ADISSP: variants seen among roughly 807,000 people sequenced by gnomAD.
The protein encoded by ADISSP is adipose-secreted signaling protein.
chr20:3,760,101 G>A, the ADISSP span: 1 of 1,611,266 alleles, frequency 6.2e-7, no homozygotes, highest in South Asian at 1.1e-5. Flanking sequence ...CTGCAGCCAT[G>A]GACGCCCTCC....
the ADISSP span, chr20:3,754,433 T>G: frequency 3.1e-6 from 5 of 1,614,070 alleles, no homozygotes; most frequent in Non-Finnish European, 4.2e-6. Context: ...CGCACACAGG[T>G]GCCAGTGCCA....
the ADISSP span, among the ~76,000 whole-genome samples, chr20:3,761,319 G>A: frequency 6.6e-6 from 1 of 150,622 alleles, no homozygotes; most frequent in African/African-American, 2.5e-5. Context: ...ACTGACAGAG[G>A]ACCTGGTATG....
chr20:3,758,549 C>T, the ADISSP span: 1 of 1,613,710 alleles, frequency 6.2e-7, no homozygotes, highest in Non-Finnish European at 8.5e-7. The surrounding 1 kb of genome is among the most constrained non-coding windows in gnomAD (Gnocchi z 5.5). Flanking sequence ...GACCAGAAAG[C>T]TGCTGTCACT....
At chr20:3,765,860 G>T in the ADISSP span, among the ~76,000 whole-genome samples, 2 of 152,112 alleles carry the variant, frequency 1.3e-5, no homozygotes, top group African/African-American at 2.4e-5. Context: ...ACTGGGAAAT[G>T]ACTAGGGAGG....
the ADISSP span, chr20:3,760,163 T>C: frequency 7.3e-7 from 1 of 1,363,908 alleles, no homozygotes; most frequent in Admixed American, 1.7e-5. Flanking sequence ...CAGCCTCCCA[T>C]GCTCCAGGGA....
the ADISSP span, among the ~76,000 whole-genome samples, chr20:3,758,962 CA>C: frequency 9.9e-5 from 15 of 152,160 alleles, no homozygotes; most frequent in Non-Finnish European, 1.9e-4. This position sits in a 1 kb window ranked among gnomAD's most constrained non-coding sequence, Gnocchi z 5.5. Flanking sequence ...GTGCCAGAGC[CA>C]GGAAGGGACA....
At chr20:3,757,088 C>T in the ADISSP span, among the ~76,000 whole-genome samples, 84 of 151,616 alleles carry the variant, frequency 5.5e-4, 1 homozygote, top group African/African-American at 1.9e-3. Context: ...TGGTGGCTCA[C>T]GCCTGTAATC....
the ADISSP span, chr20:3,754,655 C>CCT: frequency 1.1e-6 from 1 of 879,734 alleles, no homozygotes; most frequent in Non-Finnish European, 1.8e-6. Flanking sequence ...AGGGATGGCC[C>CCT]TTCTGGAGCC....
chr20:3,754,074 C>T, the ADISSP span: 2 of 1,613,090 alleles, frequency 1.2e-6, no homozygotes, highest in Non-Finnish European at 8.5e-7. Flanking sequence ...AAAGCCGTGC[C>T]AGTCGCTGTG....
the ADISSP span, chr20:3,754,422 G>A: frequency 1.9e-4 from 310 of 1,613,936 alleles, 1 homozygote; most frequent in African/African-American, 3.3e-3. Context: ...GCACCGTCAC[G>A]CGCACACAGG....
the ADISSP span, among the ~76,000 whole-genome samples, chr20:3,763,103 A>G: frequency 6.6e-6 from 1 of 151,730 alleles, no homozygotes; most frequent in East Asian, 1.9e-4. Flanking sequence ...TAAAAATACA[A>G]AAATCAGCTA....
the ADISSP span, among the ~76,000 whole-genome samples, chr20:3,758,999 G>A: frequency 2.0e-5 from 3 of 152,142 alleles, no homozygotes; most frequent in East Asian, 5.8e-4. The surrounding 1 kb of genome is among the most constrained non-coding windows in gnomAD (Gnocchi z 5.5). Flanking sequence ...ACCAAGCCAG[G>A]GCAGCGTGGG....
chr20:3,754,304 T>C, the ADISSP span: 2 of 1,521,726 alleles, frequency 1.3e-6, no homozygotes, highest in South Asian at 2.3e-5. Flanking sequence ...CGGGCAAGGA[T>C]CCCTTGTTCA....
chr20:3,766,166 C>A, the ADISSP span, among the ~76,000 whole-genome samples: 1 of 152,240 alleles, frequency 6.6e-6, no homozygotes, highest in Non-Finnish European at 1.5e-5. Context: ...CTCAGTCCAG[C>A]AGAAGCACTG....
At chr20:3,754,084 G>A in the ADISSP span, 1 of 1,613,366 alleles carries the variant, frequency 6.2e-7, no homozygotes, top group South Asian at 1.1e-5. Context: ...CAGTCGCTGT[G>A]CTCTGAGTCG....
the ADISSP span, chr20:3,758,422 G>A: frequency 1.3e-5 from 12 of 911,488 alleles, no homozygotes; most frequent in Non-Finnish European, 1.9e-5. The surrounding 1 kb of genome is among the most constrained non-coding windows in gnomAD (Gnocchi z 5.5). Flanking sequence ...CAAGGCACAG[G>A]GAAAGGCACA....
the ADISSP span, among the ~76,000 whole-genome samples, chr20:3,764,328 C>T: frequency 7.2e-5 from 11 of 152,238 alleles, no homozygotes; most frequent in Non-Finnish European, 1.6e-4. Context: ...GGTTAAACTG[C>T]ACCAGTGGCT....
chr20:3,760,691 G>C, the ADISSP span, among the ~76,000 whole-genome samples: 1 of 152,178 alleles, frequency 6.6e-6, no homozygotes, highest in Admixed American at 6.5e-5. Context: ...TGCCCTTAGA[G>C]CTTTCCCTCC....
chr20:3,758,718 C>T, the ADISSP span: 1 of 1,601,196 alleles, frequency 6.2e-7, no homozygotes. The surrounding 1 kb of genome is among the most constrained non-coding windows in gnomAD (Gnocchi z 5.5). Flanking sequence ...CTTTCCCTGT[C>T]CCCAGGAAAC....
Sources: allele counts gnomAD v4.1 joint callset (sites outside exome capture counted in the v4.1 genomes callset), GRCh38; gene constraint gnomAD v4.1.1; non-coding constraint Gnocchi (gnomAD v3.1); transcripts MANE v1.5; gene names NCBI Gene and HGNC (gene_info 2026-07-23, HGNC 2026-07-21).